Variants in KDM2A observed in about 807,000 individuals in gnomAD.
KDM2A encodes lysine demethylase 2A.
Under a neutral mutation model 137.3 loss-of-function variants are expected in KDM2A, and 3 were observed. The ratio of observed to expected loss-of-function variants is 0.02; its 90% CI spans 0.01 to 0.06. The LOEUF (loss-of-function observed/expected upper bound fraction) is 0.06, where lower values mean the gene tolerates loss of function less well. Among genes scored for constraint, KDM2A ranks in the 10% least tolerant of loss-of-function variants. The probability of loss-of-function intolerance (pLI) is 1.00; values close to 1 mark genes in which losing one functional copy is unlikely to be tolerated. For synonymous variants in KDM2A, 512 were observed against 541.5 expected (o/e 0.95, Z 0.76); for missense variants, 738 against 1,510.6 (o/e 0.49, Z 8.48).
At chr11:67,128,992 A>G (rs1855791728) in intron 2 of KDM2A, among the ~76,000 whole-genome samples, 1 of 152,192 alleles carries the variant, frequency 6.6e-6, no homozygotes, top group Non-Finnish European at 1.5e-5. Flanking sequence ...TTGAGGCAGA[A>G]GTATCATTTG....
At chr11:67,215,993 G>C in intron 8 of KDM2A, 44 bp downstream of exon 8, 1 of 1,475,590 alleles carries the variant, frequency 6.8e-7, no homozygotes, top group Non-Finnish European at 9.5e-7. Context: ...GAAGTTGGTT[G>C]TATGACTTTG....
intron 6 of KDM2A, 64 bp downstream of exon 6, chr11:67,207,752 T>A: frequency 7.7e-7 from 1 of 1,303,260 alleles, no homozygotes; most frequent in African/African-American, 1.5e-5. Flanking sequence ...GGCTGGACGT[T>A]GGTAACTGAT....
At chr11:67,188,493 AAAAG>A (rs1196671895) in intron 5 of KDM2A, among the ~76,000 whole-genome samples, 12 of 150,550 alleles carry the variant, frequency 8.0e-5, no homozygotes, top group African/African-American at 1.2e-4. Flanking sequence ...AAAAAAAAAA[AAAAG>A]AAAGAAAAAA....
At chr11:67,184,098 A>C (rs1172200043) in intron 5 of KDM2A, among the ~76,000 whole-genome samples, 1 of 110,810 alleles carries the variant, frequency 9.0e-6, no homozygotes, top group African/African-American at 4.9e-5. Flanking sequence ...ACCCTGTCTC[A>C]AAAAAAAAAA....
At chr11:67,152,268 G>A (rs577510233) in intron 2 of KDM2A, among the ~76,000 whole-genome samples, 142 of 149,702 alleles carry the variant, frequency 9.5e-4, no homozygotes, top group African/African-American at 3.4e-3. Context: ...AGCCGAGATT[G>A]CACCACTGCA....
At chr11:67,122,451 C>G (rs1369488967) in intron 2 of KDM2A, among the ~76,000 whole-genome samples, 1 of 151,970 alleles carries the variant, frequency 6.6e-6, no homozygotes, top group East Asian at 1.9e-4. Flanking sequence ...CTCAGCCTTG[C>G]AAGTAGCTGG....
Position 67,245,574 on chromosome 11 carries a change from C to A in KDM2A, c.1833+116C>A. The A allele has an allele frequency of 2.6e-6, 3 of 1,137,462 alleles. No homozygotes were observed. Among genetic ancestry groups the A allele is most frequent in the Non-Finnish European group, 3.7e-6 (3 of 811,942 alleles). 70.5% of individuals were successfully genotyped at this position (1,137,462 alleles called of 1,614,324 possible). ...GAGTTGGAAAGAAAAGGTTTATACT[C>A]TCTTTTTGGCTTTATTTTGTACCTT... On this transcript the variant is annotated intron_variant, in intron 14 of 20. Coordinates refer to ENST00000529006, the MANE Select transcript of KDM2A (RefSeq NM_012308.3). The surrounding 1 kb of genome is among the most constrained non-coding windows in gnomAD (Gnocchi z 4.1).
At chr11:67,142,404 A>G (rs1475370829) in intron 2 of KDM2A, among the ~76,000 whole-genome samples, 2 of 149,814 alleles carry the variant, frequency 1.3e-5, no homozygotes, top group Admixed American at 1.3e-4. Context: ...TAATCCCAGC[A>G]CTTTGGGAGG....
At chr11:67,202,333 G>A (rs897962152) in intron 5 of KDM2A, among the ~76,000 whole-genome samples, 1 of 152,152 alleles carries the variant, frequency 6.6e-6, no homozygotes, top group African/African-American at 2.4e-5. Context: ...TTATAAAGCA[G>A]CAGTAGGGTT....
chr11:67,119,825 G>A lies in KDM2A; in HGVS notation c.-308G>A, dbSNP rs1438357594. 6.6e-6 allele frequency: 1 copy of A among 151,572 alleles called. No homozygotes were observed. The highest frequency in any genetic ancestry group is 2.1e-4 in the South Asian group (1 of 4,828). The allele number at this position is 151,572 out of a possible 1,614,324, so 9.4% of individuals were successfully genotyped here. ...GGCGCCCCGGGCTCGGCGCCGAGGG[G>A]TCGCGCTCCTCTCTCCTGACGCCTC... On this transcript the variant is annotated 5_prime_UTR_variant, in exon 1 of 21. Transcript: ENST00000529006.
chr11:67,236,429 C>T (rs561293817), intron 12 of KDM2A, among the ~76,000 whole-genome samples: 25 of 152,182 alleles, frequency 1.6e-4, no homozygotes, highest in Non-Finnish European at 3.7e-4. Context: ...CACGCCCAGC[C>T]ACAATTTGAG....
chr11:67,201,891 G>T (rs968546139), intron 5 of KDM2A, among the ~76,000 whole-genome samples: 3 of 151,224 alleles, frequency 2.0e-5, no homozygotes, highest in African/African-American at 4.9e-5. Flanking sequence ...GGAATTCGAG[G>T]TTGCAATGAG....
At chr11:67,239,906 T>A in intron 12 of KDM2A, 1 of 344,960 alleles carries the variant, frequency 2.9e-6, no homozygotes, top group Non-Finnish European at 4.5e-6. Context: ...GTGGCTGAGC[T>A]CTCCTCCCTG....
intron 15 of KDM2A, 64 bp downstream of exon 15, chr11:67,246,180 G>A (rs940584281): frequency 7.6e-6 from 12 of 1,571,084 alleles, no homozygotes; most frequent in Non-Finnish European, 1.0e-5. Flanking sequence ...CAACAGAATG[G>A]GACACTTGTG....
intron 2 of KDM2A, among the ~76,000 whole-genome samples, chr11:67,139,516 A>G (rs2136291933): frequency 6.6e-6 from 1 of 152,106 alleles, no homozygotes; most frequent in South Asian, 2.1e-4. Context: ...AAGTGCTAGG[A>G]TTACAGGCGT....
intron 2 of KDM2A, among the ~76,000 whole-genome samples, chr11:67,132,399 T>G (rs750749650): frequency 6.6e-6 from 1 of 152,174 alleles, no homozygotes; most frequent in African/African-American, 2.4e-5. Flanking sequence ...TTCTCCTGCC[T>G]CAGCCTCCCA....
intron 5 of KDM2A, 55 bp from the exon 6 acceptor site, chr11:67,207,455 A>T: frequency 7.6e-7 from 1 of 1,307,280 alleles, no homozygotes; most frequent in South Asian, 1.9e-5. Context: ...TATTCTTACT[A>T]TATTTAAGGA....
chr11:67,240,014 A>G (rs1039869417), intron 12 of KDM2A: 18 of 1,280,774 alleles, frequency 1.4e-5, no homozygotes, highest in African/African-American at 1.5e-5. Flanking sequence ...TGGCTCGCTC[A>G]CTCTCGCTCG....
At chr11:67,143,726 G>C (rs778297642) in intron 2 of KDM2A, among the ~76,000 whole-genome samples, 13 of 151,818 alleles carry the variant, frequency 8.6e-5, no homozygotes, top group Non-Finnish European at 1.3e-4. Flanking sequence ...TCTGCCTCCT[G>C]GGTTCTAGAG....
Sources: allele counts gnomAD v4.1 joint callset (sites outside exome capture counted in the v4.1 genomes callset), GRCh38; gene constraint gnomAD v4.1.1; non-coding constraint Gnocchi (gnomAD v3.1); transcripts MANE v1.5; gene names NCBI Gene and HGNC (gene_info 2026-07-23, HGNC 2026-07-21).